Variants in MCF2L2 observed in about 807,000 individuals in gnomAD.
MCF2L2 encodes probable guanine nucleotide exchange factor MCF2L2.
In MCF2L2, 102 loss-of-function variants were observed where a neutral mutation model predicts 150.2. The observed-to-expected ratio is 0.68, with a 90% confidence interval of 0.58 to 0.80. The LOEUF (loss-of-function observed/expected upper bound fraction) is 0.80. Ranked by LOEUF, MCF2L2 falls within the 30% of genes least tolerant of loss-of-function variation. MCF2L2 has a pLI of 0.00. For synonymous variants in MCF2L2, 465 were observed against 491.3 expected (o/e 0.95, Z 0.71); for missense variants, 1,256 against 1,372.8 (o/e 0.91, Z 1.34).
Position 183,297,069 on chromosome 3 carries a change from A to C in MCF2L2, c.1404T>G (p.Ile468Met). 6.2e-7 allele frequency: 1 copy of C among 1,614,152 alleles called. No homozygotes were observed. The highest frequency in any genetic ancestry group is 8.5e-7 in the Non-Finnish European group (1 of 1,180,016). ...CCTTGACTGTGCCCAGGAATGTCGC[A>C]ATGTCGTTCAAGGCGATATCAACCC... ...REGVDIALND[I>M]ATFLGTVKEY... The change falls in exon 12 of 30, where the codon ATT becomes ATG. Residue 468 changes from isoleucine to methionine, a missense_variant. Transcript: ENST00000328913.
At chr3:183,353,178 C>T (rs1261392153) in intron 3 of MCF2L2, among the ~76,000 whole-genome samples, 2 of 152,094 alleles carry the variant, frequency 1.3e-5, no homozygotes, top group African/African-American at 4.8e-5. Context: ...AACCCAAAGC[C>T]TCTTAAGTGA....
intron 27 of MCF2L2, among the ~76,000 whole-genome samples, chr3:183,192,438 C>T (rs1265120209): frequency 6.6e-6 from 1 of 152,214 alleles, no homozygotes; most frequent in African/African-American, 2.4e-5. Context: ...CGTGCTTGGC[C>T]TTGGGGCCAT....
chr3:183,271,201 T>C (rs1207721858), intron 15 of MCF2L2: 7 of 303,960 alleles, frequency 2.3e-5, no homozygotes, highest in African/African-American at 2.2e-5. Context: ...CAAGTTCTCA[T>C]GTAATGCCAC....
chr3:183,298,765 G>GCGCGCGCGCGCGCGCACACACACACA, intron 11 of MCF2L2: 1 of 138,498 alleles, frequency 7.2e-6, no homozygotes, highest in Non-Finnish European at 1.5e-5. Flanking sequence ...AAACACACAT[G>GCGCGCGCGCGCGCGCACACACACACA]CACACACACA....
At chr3:183,191,230 C>A (rs571509899) in intron 27 of MCF2L2, among the ~76,000 whole-genome samples, 33 of 151,776 alleles carry the variant, frequency 2.2e-4, no homozygotes, top group African/African-American at 7.3e-4. Context: ...GAGGAAGGTA[C>A]AAAGATTTCC....
intron 1 of MCF2L2, among the ~76,000 whole-genome samples, chr3:183,404,874 GA>G (rs548202046): frequency 4.7e-5 from 7 of 147,510 alleles, no homozygotes; most frequent in Admixed American, 6.8e-5. Context: ...AAAACAGAAA[GA>G]AAAAAAAAAT....
intron 21 of MCF2L2, among the ~76,000 whole-genome samples, chr3:183,216,601 T>A (rs1205959278): frequency 2.3e-4 from 7 of 30,018 alleles, no homozygotes; most frequent in African/African-American, 4.6e-4. Context: ...TTTTTTTTTT[T>A]TTTTTTTTTT....
In MCF2L2 at chr3:183,360,984, A is replaced by AG. The variant is rs1380699847; in HGVS notation, c.275+18312_275+18313insC. 2.1e-4 allele frequency among the ~76,000 whole-genome samples: 28 copies of AG among 132,222 alleles called. 2 individuals are homozygous for AG. In the East Asian group the frequency reaches 5.1e-3, roughly 24 times the overall value. The allele number at this position is 132,222 out of a possible 152,430, so 86.7% of individuals were successfully genotyped here. A position where few individuals can be genotyped will look rare whatever the true frequency, so the allele number is the denominator to read the frequency against. On this transcript the variant is annotated intron_variant, in intron 3 of 29. Coordinates refer to ENST00000328913, the MANE Select transcript of MCF2L2 (RefSeq NM_015078.4). ...AAAAGAAAAGAAAAGAAAAGAAAAGAAAAGAAAAGAAAAGAAAAGAAAAGA... is the reference window on the plus strand; with the variant it reads ...AAAAGAAAAGAAAAGAAAAGAAAAGAGAAAGAAAAGAAAAGAAAAGAAAAGA...
rs1294811282 is a variant in MCF2L2, at chr3:183,283,407, C to A, written c.1776+5713G>T. ...AGTAAACTGTCTCTCATCTACCTTC[C>A]CAGCATTCTTGAGCCATTCCCAGGA... is the stretch of plus-strand genomic sequence containing the variant. On this transcript the variant is annotated intron_variant, in intron 14 of 29. Transcript: ENST00000328913. This position sits in a 1 kb window ranked among gnomAD's most constrained non-coding sequence, Gnocchi z 4.2. 6.6e-6 allele frequency among the ~76,000 whole-genome samples: 1 copy of A among 152,178 alleles called. No homozygotes were observed. Among genetic ancestry groups the A allele is most frequent in the Non-Finnish European group, 1.5e-5 (1 of 68,022 alleles).
rs368518524 is a variant in MCF2L2 at position 183,213,267 on chromosome 3, G to GTTT, written c.2496+2699_2496+2701dup. 4.7e-4 allele frequency among the ~76,000 whole-genome samples: 66 copies of GTTT among 139,368 alleles called. 1 individual carries two copies. Among genetic ancestry groups the GTTT allele is most frequent in the African/African-American group, 1.6e-3 (62 of 38,116 alleles). 91.4% of individuals were successfully genotyped at this position (139,368 alleles called of 152,430 possible). ...GGATTTGAAAAAAAAAAAAACTTTTGTTTTTTTTTTGCAAATAGATAGAAG... is the reference window on the plus strand; with the variant it reads ...GGATTTGAAAAAAAAAAAAACTTTTGTTTTTTTTTTTTTGCAAATAGATAGAAG... On this transcript the variant is annotated intron_variant, in intron 22 of 29. Transcript: ENST00000328913.
intron 14 of MCF2L2, among the ~76,000 whole-genome samples, chr3:183,282,336 G>A (rs890616977): frequency 6.6e-6 from 1 of 151,704 alleles, no homozygotes; most frequent in Non-Finnish European, 1.5e-5. Flanking sequence ...CCGCCACCAC[G>A]CCCAGCTAAT....
At chr3:183,294,629 A>T (rs1224496616) in intron 13 of MCF2L2, among the ~76,000 whole-genome samples, 31 of 125,266 alleles carry the variant, frequency 2.5e-4, no homozygotes, top group African/African-American at 9.5e-4. Flanking sequence ...ATATATATAT[A>T]TATATTTTTT....
intron 3 of MCF2L2, chr3:183,376,451 G>C (rs986373196): frequency 6.6e-6 from 1 of 152,218 alleles, no homozygotes; most frequent in African/African-American, 2.4e-5. Flanking sequence ...CGCTCCCACA[G>C]AAGTTGCTAA....
chr3:183,372,402 G>A (rs1178899161), intron 3 of MCF2L2: 2 of 152,144 alleles, frequency 1.3e-5, no homozygotes, highest in Non-Finnish European at 2.9e-5. Flanking sequence ...CACACTGTAT[G>A]TGAGGAAAAT....
intron 2 of MCF2L2, among the ~76,000 whole-genome samples, chr3:183,385,364 G>A (rs1349901248): frequency 3.9e-5 from 6 of 152,070 alleles, no homozygotes; most frequent in East Asian, 1.9e-4. Flanking sequence ...TTGGGGCTCC[G>A]ATCTCTTCCT....
chr3:183,299,185 C>A (rs1017392172), intron 11 of MCF2L2: 2 of 152,542 alleles, frequency 1.3e-5, no homozygotes, highest in Non-Finnish European at 2.9e-5. Flanking sequence ...TCCTGTGAAG[C>A]CTTGGTGTGG....
At chr3:183,216,629 G>T (rs868863560) in intron 21 of MCF2L2, among the ~76,000 whole-genome samples, 3 of 112,906 alleles carry the variant, frequency 2.7e-5, no homozygotes, top group South Asian at 2.7e-4. Context: ...GAGCGAGAGA[G>T]AGTTTCACTC....
At chr3:183,330,245 G>GAAAAAA (rs200391954) in intron 5 of MCF2L2, among the ~76,000 whole-genome samples, 25 of 57,218 alleles carry the variant, frequency 4.4e-4, no homozygotes, top group Non-Finnish European at 6.1e-4. Context: ...ACCCTGTCTT[G>GAAAAAA]AAAAAAAAAA....
chr3:183,261,822 T>C (rs1262217648), intron 15 of MCF2L2, among the ~76,000 whole-genome samples: 2 of 151,854 alleles, frequency 1.3e-5, no homozygotes, highest in East Asian at 3.9e-4. Context: ...TTGTTCTTGT[T>C]TTGGCAATAA....
Sources: allele counts gnomAD v4.1 joint callset (sites outside exome capture counted in the v4.1 genomes callset), GRCh38; gene constraint gnomAD v4.1.1; non-coding constraint Gnocchi (gnomAD v3.1); transcripts MANE v1.5; gene names NCBI Gene and HGNC (gene_info 2026-07-23, HGNC 2026-07-21).